Variants in STXBP5 observed in about 807,000 individuals in gnomAD.
STXBP5 encodes syntaxin binding protein 5.
In STXBP5, 50 loss-of-function variants were observed where a neutral mutation model predicts 152.4. That is an observed-to-expected ratio of 0.33 (90% CI 0.26 to 0.42). The LOEUF (loss-of-function observed/expected upper bound fraction) is 0.42, where lower values mean the gene tolerates loss of function less well. Ranked by LOEUF, STXBP5 falls within the 10% of genes least tolerant of loss-of-function variation. The pLI is 1.00. For missense variants in STXBP5, 1,167 were observed against 1,388.6 expected, an observed-to-expected ratio of 0.84 and a Z score of 2.54; for synonymous variants, 492 against 494.7, an observed-to-expected ratio of 0.99 and a Z score of 0.07.
intron 25 of STXBP5, among the ~76,000 whole-genome samples, chr6:147,373,363 C>CAAAAAA (rs11341887): frequency 3.0e-5 from 2 of 67,718 alleles, no homozygotes; most frequent in Non-Finnish European, 5.4e-5. Context: ...GAGACTGTCT[C>CAAAAAA]AAAAAAAAAA....
At chr6:147,214,789 T>C (rs144268368) in intron 2 of STXBP5, among the ~76,000 whole-genome samples, 25 of 152,236 alleles carry the variant, frequency 1.6e-4, no homozygotes, top group African/African-American at 5.5e-4. Context: ...TATGAAAAAA[T>C]ACCGTGCAGT....
chr6:147,277,076 A>G (rs1405943049), intron 7 of STXBP5, among the ~76,000 whole-genome samples: 1 of 152,130 alleles, frequency 6.6e-6, no homozygotes, highest in African/African-American at 2.4e-5. Flanking sequence ...ATTGAGGAGC[A>G]TCTGTACTTT....
At chr6:147,245,171 A>AAGGC (rs904764587) in intron 4 of STXBP5, among the ~76,000 whole-genome samples, 5 of 151,618 alleles carry the variant, frequency 3.3e-5, no homozygotes, top group Admixed American at 1.3e-4. Flanking sequence ...CTTTGAATTG[A>AAGGC]AGGCACTGTC....
intron 4 of STXBP5, among the ~76,000 whole-genome samples, chr6:147,242,891 T>G (rs1778619253): frequency 6.6e-6 from 1 of 152,214 alleles, no homozygotes; most frequent in South Asian, 2.1e-4. Flanking sequence ...CTTCTTTCAC[T>G]GAGCAATATG....
intron 21 of STXBP5, among the ~76,000 whole-genome samples, chr6:147,346,930 T>TCCCA (rs934224755): frequency 2.8e-4 from 43 of 152,274 alleles, no homozygotes; most frequent in Non-Finnish European, 5.7e-4. Flanking sequence ...CCCACGTTTC[T>TCCCA]CCCACCTTTC....
chr6:147,224,941 G>T (rs915926419), intron 2 of STXBP5, among the ~76,000 whole-genome samples: 1 of 152,000 alleles, frequency 6.6e-6, no homozygotes, highest in African/African-American at 2.4e-5. Context: ...CAAGACTTAG[G>T]CCATTAAAAG....
At chr6:147,221,407 CTA>C (rs896556586) in intron 2 of STXBP5, among the ~76,000 whole-genome samples, 1 of 151,874 alleles carries the variant, frequency 6.6e-6, no homozygotes, top group Admixed American at 6.6e-5. Context: ...AGTTTCTGAT[CTA>C]TGTCATTTTC....
chr6:147,322,707 T>C (rs1179695792), intron 16 of STXBP5, among the ~76,000 whole-genome samples: 1 of 152,240 alleles, frequency 6.6e-6, no homozygotes, highest in Non-Finnish European at 1.5e-5. Context: ...CAAAGAGTTG[T>C]GCAATCAAAA....
intron 8 of STXBP5, among the ~76,000 whole-genome samples, chr6:147,289,631 A>G (rs1781174915): frequency 6.6e-6 from 1 of 152,188 alleles, no homozygotes; most frequent in Non-Finnish European, 1.5e-5. Flanking sequence ...AAGCATTGAT[A>G]AAGAACAGCA....
chr6:147,282,993 CATA>C (rs1780773570), intron 8 of STXBP5, among the ~76,000 whole-genome samples: 4 of 152,044 alleles, frequency 2.6e-5, no homozygotes, highest in Admixed American at 6.5e-5. Context: ...AAAAAAATGT[CATA>C]ATGTTTTAAG....
intron 3 of STXBP5, among the ~76,000 whole-genome samples, chr6:147,235,674 T>A (rs541800484): frequency 2.0e-5 from 3 of 151,952 alleles, no homozygotes; most frequent in East Asian, 1.9e-4. Context: ...AATCAAAGAG[T>A]GTGCTTCTTT....
At chr6:147,214,085 T>C (rs572932504) in intron 2 of STXBP5, among the ~76,000 whole-genome samples, 1 of 152,330 alleles carries the variant, frequency 6.6e-6, no homozygotes, top group South Asian at 2.1e-4. Flanking sequence ...GAAGTTATGG[T>C]GCTTTCTAAT....
At chr6:147,253,639 G>A (rs529892400) in intron 4 of STXBP5, among the ~76,000 whole-genome samples, 1 of 152,194 alleles carries the variant, frequency 6.6e-6, no homozygotes, top group Non-Finnish European at 1.5e-5. Context: ...AAAATCATAA[G>A]CATTCCTAGA....
chr6:147,382,969 G>A lies in STXBP5; in HGVS notation c.3385G>A (p.Ala1129Thr). ...EERTAAMLSSAESFSKHAHEI... is the reference protein window; with the variant it reads ...EERTAAMLSSTESFSKHAHEI... ...AAGAACTGCGGCCATGTTATCAAGTGCAGAGTCATTTTCTAAACATGCTCA... is the reference window on the plus strand; with the variant it reads ...AAGAACTGCGGCCATGTTATCAAGTACAGAGTCATTTTCTAAACATGCTCA... Residue 1129 changes from alanine (A) to threonine (T), a missense_variant, in exon 27 of 28, where the codon GCA (alanine) becomes ACA (threonine). By Grantham distance (58) the Ala-to-Thr change is moderately conservative. This residue lies in a region of STXBP5 where 833 missense variants were observed against 986.3 expected (regional missense o/e 0.84). Transcript: ENST00000321680. 1 of 1,613,384 alleles carries A rather than the reference G, an allele frequency of 6.2e-7. No individual in the cohort carries two copies. The highest frequency in any genetic ancestry group is 8.5e-7 in the Non-Finnish European group (1 of 1,179,598).
At position 147,331,451 on chromosome 6, in the gene STXBP5, A is replaced by G. The variant is rs943629743; in HGVS notation, c.2081-2706A>G. On this transcript the variant is annotated intron_variant, in intron 18 of 27. Coordinates refer to ENST00000321680, the MANE Select transcript of STXBP5 (RefSeq NM_001127715.4). ...CTAAGTTTAAATCTCTGCTCTTTTTATAAGTTTGTGATACTAGAAAGGATA... is the reference window on the plus strand; with the variant it reads ...CTAAGTTTAAATCTCTGCTCTTTTTGTAAGTTTGTGATACTAGAAAGGATA... Among the ~76,000 whole-genome samples, 6 of 152,200 alleles carry G rather than the reference A, an allele frequency of 3.9e-5. 1 individual carries two copies. The highest frequency in any genetic ancestry group is 8.8e-5 in the Non-Finnish European group (6 of 68,018).
chr6:147,384,100 G>C (rs1786226956), intron 27 of STXBP5, among the ~76,000 whole-genome samples: 1 of 152,034 alleles, frequency 6.6e-6, no homozygotes, highest in South Asian at 2.1e-4. Flanking sequence ...CCTTCTACCA[G>C]TTGTTCTTGA....
chr6:147,365,331 C>G (rs959532267), intron 25 of STXBP5, among the ~76,000 whole-genome samples: 7 of 152,068 alleles, frequency 4.6e-5, no homozygotes, highest in African/African-American at 1.4e-4. Flanking sequence ...AAGGATAAAC[C>G]TTAAAATTTT....
chr6:147,356,389 T>A (rs570045584), intron 22 of STXBP5, among the ~76,000 whole-genome samples: 6 of 152,048 alleles, frequency 3.9e-5, no homozygotes, highest in African/African-American at 1.2e-4. Context: ...GTAACAAGTG[T>A]ATTTATCATT....
intron 4 of STXBP5, among the ~76,000 whole-genome samples, chr6:147,244,382 C>T (rs560685782): frequency 3.3e-5 from 5 of 152,268 alleles, no homozygotes; most frequent in South Asian, 2.1e-4. Flanking sequence ...TTGGCTATTA[C>T]GGGTTTTATG....
Sources: gnomAD v4.1 joint callset for allele counts (sites outside exome capture counted in the v4.1 genomes callset) on GRCh38, gnomAD v4.1.1 for gene constraint, gnomAD v4.1.1 regional missense constraint, MANE v1.5 for transcripts, NCBI Gene and HGNC (gene_info 2026-07-23, HGNC 2026-07-21) for gene names.